Variants in PAPOLG observed in about 807,000 individuals in gnomAD.
PAPOLG encodes PAP-gamma.
A neutral mutation model predicts 99.0 loss-of-function variants in PAPOLG; 40 were observed. That is an observed-to-expected ratio of 0.40 (90% CI 0.31 to 0.53). The LOEUF (loss-of-function observed/expected upper bound fraction) is 0.53, where lower values mean the gene tolerates loss of function less well. Ranked by LOEUF, PAPOLG falls within the 20% of genes least tolerant of loss-of-function variation. The pLI is 0.41. For synonymous variants in PAPOLG, 310 were observed against 299.3 expected (o/e 1.04, Z -0.37); for missense variants, 675 against 884.1 (o/e 0.76, Z 3.00).
intron 11 of PAPOLG, 103 bp from the exon 12 acceptor site, chr2:60,782,583 T>G (rs753687334): frequency 9.6e-6 from 13 of 1,349,770 alleles, no homozygotes; most frequent in Non-Finnish European, 9.6e-7. Context: ...AAATTTCGTC[T>G]GGTGGAGTTT....
Position 60,775,140 on chromosome 2 carries a change from T to C in PAPOLG, c.694+17T>C, listed in dbSNP as rs777794787. ...GGGCAAAACGTAAGTATCCCTAGTC[T>C]TTTATGTTTGCATTATAAAATTCTA... On this transcript the variant is annotated intron_variant, in intron 8 of 21. Coordinates refer to ENST00000238714, the MANE Select transcript of PAPOLG (RefSeq NM_022894.4). 6.3e-7 allele frequency: 1 copy of C among 1,592,800 alleles called. No individual in the cohort carries two copies. The highest frequency in any genetic ancestry group is 1.2e-5 in the South Asian group (1 of 86,406).
In PAPOLG at chr2:60,794,993, TC is replaced by T; in HGVS notation, c.2087del (p.Pro696GlnfsTer37). ...DAIGGESMPI[P>X]TIDTSRKKRL... ...CCATTGGAGGAGAATCTATGCCTAT[TC>T]CAACTATTGATACATCACGCAAAAA... On this transcript the variant is annotated frameshift_variant, in exon 21 of 22. Coordinates refer to ENST00000238714, the MANE Select transcript of PAPOLG (RefSeq NM_022894.4). LOFTEE classifies it high-confidence loss of function. 6.2e-7 allele frequency: 1 copy of T among 1,613,600 alleles called. No individual in the cohort carries two copies. The highest frequency in any genetic ancestry group is 8.5e-7 in the Non-Finnish European group (1 of 1,179,724).
chr2:60,756,852 A>C (rs1056380512), intron 1 of PAPOLG, among the ~76,000 whole-genome samples: 1 of 152,016 alleles, frequency 6.6e-6, no homozygotes, highest in African/African-American at 2.4e-5. Context: ...CATTGGCGCA[A>C]ATACCATCCC....
intron 8 of PAPOLG, among the ~76,000 whole-genome samples, chr2:60,775,788 G>A (rs998512405): frequency 5.3e-5 from 8 of 150,126 alleles, no homozygotes; most frequent in African/African-American, 9.8e-5. Flanking sequence ...TTTTTGAGAC[G>A]GAGTCTTGCT....
Position 60,768,496 on chromosome 2 carries a change from T to G in PAPOLG, c.273T>G (p.Thr91=), listed in dbSNP as rs1176032213. ...ACCTCCCACCTTCTGTTGTGGCTAC[T>G]GTTGGTGGTAAAATTTTCACATTTG... is the stretch of plus-strand genomic sequence containing the variant. ...SKNLPPSVVA[T]VGGKIFTFGS... is the part of the protein sequence containing the mutation. Residue 91 remains threonine, a synonymous_variant, in exon 4 of 22, where the codon ACT becomes ACG. Coordinates refer to ENST00000238714, the MANE Select transcript of PAPOLG (RefSeq NM_022894.4). 6.2e-7 allele frequency: 1 copy of G among 1,614,056 alleles called. No individual in the cohort carries two copies. The highest frequency in any genetic ancestry group is 2.2e-5 in the East Asian group (1 of 44,878).
chr2:60,791,451 C>G, intron 15 of PAPOLG: 1 of 175,066 alleles, frequency 5.7e-6, no homozygotes, highest in Non-Finnish European at 1.2e-5. Flanking sequence ...ACTCGGGAGG[C>G]TGAGGCAGGA....
rs1553378898 is a variant in PAPOLG at position 60,782,678 on chromosome 2, T to TA, written c.1028-6dup. On this transcript the variant is annotated splice_polypyrimidine_tract_variant and splice_region_variant and intron_variant, in intron 11 of 21. Coordinates refer to ENST00000238714, the MANE Select transcript of PAPOLG (RefSeq NM_022894.4). The stretch of plus-strand genomic sequence containing the variant: ...CTTTTTTTTTTTTTTTTTTTTTTTT[T>TA]AATTTAGGTCTTGCAGTCACAGATG... 0.02 allele frequency: 26,372 copies of TA among 1,291,496 alleles called. 728 individuals are homozygous for TA. Among genetic ancestry groups the TA allele is most frequent in the South Asian group, 0.03 (1,963 of 65,646 alleles). The allele number at this position is 1,291,496 out of a possible 1,614,324, so 80.0% of individuals were successfully genotyped here.
chr2:60,767,119 G>C (rs1465155046), intron 3 of PAPOLG, among the ~76,000 whole-genome samples: 1 of 152,140 alleles, frequency 6.6e-6, no homozygotes, highest in Non-Finnish European at 1.5e-5. Flanking sequence ...AGGGATATAA[G>C]CTAAGAATTG....
In PAPOLG at chr2:60,800,506, A is replaced by G. The variant is rs1294348312; in HGVS notation, c.*3346A>G. 6.6e-6 allele frequency: 1 copy of G among 152,348 alleles called. No individual in the cohort carries two copies. Among genetic ancestry groups the G allele is most frequent in the Non-Finnish European group, 1.5e-5 (1 of 68,036 alleles). 9.4% of individuals were successfully genotyped at this position (152,348 alleles called of 1,614,324 possible). A position where few individuals can be genotyped will look rare whatever the true frequency, so the allele number is the denominator to read the frequency against. On this transcript the variant is annotated 3_prime_UTR_variant, in exon 22 of 22. Transcript: ENST00000238714. ...CCAGGAGAATGAATTTTAAAAATCT[A>G]TGTTAGTGTTTAAAATGAGTGCTTT... is the stretch of plus-strand genomic sequence containing the variant.
intron 15 of PAPOLG, among the ~76,000 whole-genome samples, chr2:60,789,374 A>T (rs1671463728): frequency 6.6e-6 from 1 of 151,910 alleles, no homozygotes; most frequent in Non-Finnish European, 1.5e-5. Flanking sequence ...AAAAAATAAA[A>T]AATAAAAGAC....
rs754258382 is a variant in PAPOLG, at chr2:60,760,169, A to G, written c.53A>G (p.His18Arg). The change falls in exon 2 of 22, where the codon CAT becomes CGT. Residue 18 changes from histidine to arginine, a missense_variant. This residue lies in a region of PAPOLG where 149 missense variants were observed against 192.1 expected (regional missense o/e 0.78). Coordinates refer to ENST00000238714, the MANE Select transcript of PAPOLG (RefSeq NM_022894.4). ...CTGGACAGCCAGCGTCAACAAAAGC[A>G]TTATGGAATTACCTCCCCAATTAGT... ...TVLDSQRQQK[H>R]YGITSPISLA... is the part of the protein sequence containing the mutation. 11 of 1,613,970 alleles carry G rather than the reference A, an allele frequency of 6.8e-6. No individual in the cohort carries two copies. The highest frequency in any genetic ancestry group is 1.7e-5 in the Admixed American group (1 of 59,990).
chr2:60,780,083 T>G (rs1671143250), intron 9 of PAPOLG, among the ~76,000 whole-genome samples: 1 of 152,244 alleles, frequency 6.6e-6, no homozygotes. Flanking sequence ...ATCACATTGA[T>G]ATATTAGTAT....
intron 13 of PAPOLG, 118 bp downstream of exon 13, chr2:60,783,327 T>C: frequency 2.6e-6 from 1 of 385,294 alleles, no homozygotes; most frequent in Non-Finnish European, 4.2e-6. Context: ...TATATCTCTT[T>C]TTTTTTTTTT....
intron 8 of PAPOLG, among the ~76,000 whole-genome samples, chr2:60,776,418 A>ATTTT (rs70959863): frequency 9.3e-5 from 8 of 85,870 alleles, no homozygotes; most frequent in East Asian, 2.8e-4. Context: ...CATTGGCTTC[A>ATTTT]TTTTTTTTTT....
At chr2:60,774,875 T>A in intron 7 of PAPOLG, 159 bp from the exon 8 acceptor site, 2 of 800,470 alleles carry the variant, frequency 2.5e-6, no homozygotes, top group Non-Finnish European at 3.0e-6. Context: ...TAAAGCAAAC[T>A]GATTTCTCAT....
At chr2:60,764,457 C>T (rs967745449) in intron 3 of PAPOLG, among the ~76,000 whole-genome samples, 1 of 151,136 alleles carries the variant, frequency 6.6e-6, no homozygotes, top group Non-Finnish European at 1.5e-5. Flanking sequence ...TACTCTGTCA[C>T]CCGGGCTGGA....
At chr2:60,767,282 A>G (rs182534777) in intron 3 of PAPOLG, among the ~76,000 whole-genome samples, 139 of 152,048 alleles carry the variant, frequency 9.1e-4, no homozygotes, top group African/African-American at 3.0e-3. Flanking sequence ...TTGAGTGACT[A>G]TCTGATGGGC....
intron 15 of PAPOLG, among the ~76,000 whole-genome samples, chr2:60,788,571 G>A (rs1162308262): frequency 6.6e-6 from 1 of 152,030 alleles, no homozygotes; most frequent in Non-Finnish European, 1.5e-5. Flanking sequence ...ATCCTGCCTC[G>A]GCCTCCCAAA....
chr2:60,794,175 T>G lies in PAPOLG; in HGVS notation c.1973T>G (p.Leu658Trp), dbSNP rs758767518. 1 of 1,612,564 alleles carries G rather than the reference T, an allele frequency of 6.2e-7. No individual in the cohort carries two copies. Among genetic ancestry groups the G allele is most frequent in the South Asian group, 1.1e-5 (1 of 91,010 alleles). ...SPSIDGTPKR[L>W]KDVEKFIRLE... ...TCCATAGATGGGACTCCTAAGAGGT[T>G]GAAAGACGTAGAAAAGGTAAAGTTA... Residue 658 changes from leucine (L) to tryptophan (W), a missense_variant, in exon 19 of 22, where the codon TTG (leucine) becomes TGG (tryptophan). By Grantham distance (61) the Leu-to-Trp change is moderately conservative. Coordinates refer to ENST00000238714, the MANE Select transcript of PAPOLG (RefSeq NM_022894.4).
Sources: gnomAD v4.1 joint callset for allele counts (sites outside exome capture counted in the v4.1 genomes callset) on GRCh38, gnomAD v4.1.1 for gene constraint, gnomAD v4.1.1 regional missense constraint, MANE v1.5 for transcripts, NCBI Gene and HGNC (gene_info 2026-07-23, HGNC 2026-07-21) for gene names.